The following FDFT1 variants were observed in gnomAD, a reference collection of about 807,000 sequenced individuals.
FDFT1 encodes farnesyl-diphosphate farnesyltransferase 1, also known as squalene synthase.
A neutral mutation model predicts 46.8 loss-of-function variants in FDFT1; 68 were observed. That is an observed-to-expected ratio of 1.45 (90% CI 1.19 to 1.78). The LOEUF (loss-of-function observed/expected upper bound fraction) is 1.78, where lower values mean the gene tolerates loss of function less well. Ranked by LOEUF, FDFT1 falls within the 40% of genes most tolerant of loss-of-function variation. FDFT1 has a pLI of 0.00. For synonymous variants in FDFT1, 351 were observed against 185.1 expected (o/e 1.90, Z -7.28); for missense variants, 928 against 524.4 (o/e 1.77, Z -7.52).
chr8:11,800,962 ACT>A (rs1211262023), upstream of FDFT1, among the ~76,000 whole-genome samples: 5 of 152,234 alleles, frequency 3.3e-5, no homozygotes, highest in South Asian at 2.1e-4. Flanking sequence ...TAGGGGAAAC[ACT>A]CTGTAATCTA....
chr8:11,830,567 C>T lies in FDFT1; in HGVS notation c.879+147C>T, dbSNP rs77318013. The T allele has an allele frequency of 2.8e-3, 1,768 of 629,424 alleles. 30 individuals carry two copies. The African/African-American group carries it at 0.03, about 11-fold the overall frequency. 39.0% of individuals were successfully genotyped at this position (629,424 alleles called of 1,614,324 possible). On this transcript the variant is annotated intron_variant, in intron 6 of 7. Transcript: ENST00000220584. ...ATTACGCTGGGAGTTTCATAGCACCCGCCTTTGCTTCCAGCCACCAAACTC... is the reference window on the plus strand; with the variant it reads ...ATTACGCTGGGAGTTTCATAGCACCTGCCTTTGCTTCCAGCCACCAAACTC...
At chr8:11,796,446 G>C (rs1271466396) in intron 1 of FDFT1, among the ~76,000 whole-genome samples, 1 of 152,188 alleles carries the variant, frequency 6.6e-6, no homozygotes, top group Non-Finnish European at 1.5e-5. Flanking sequence ...GAAGTACTGA[G>C]GTCTGTGAAA....
upstream of FDFT1, among the ~76,000 whole-genome samples, chr8:11,798,643 G>T (rs762266840): frequency 6.6e-6 from 1 of 152,230 alleles, no homozygotes. Context: ...AGATTTAATG[G>T]AAGAGAGATT....
At chr8:11,802,511 G>A (rs1484436438), upstream of FDFT1, 1 of 514,624 alleles carries the variant, frequency 1.9e-6, no homozygotes, top group East Asian at 5.1e-5. Context: ...CCGCTCGTCG[G>A]CCTCTTTCTC....
upstream of FDFT1, chr8:11,801,941 G>A (rs1458666019): frequency 8.8e-6 from 4 of 455,156 alleles, 1 homozygote; most frequent in South Asian, 6.2e-5. Flanking sequence ...CACCCGCCTT[G>A]GCCTCCCAAA....
At chr8:11,809,425 C>A in intron 2 of FDFT1, 1 of 1,243,926 alleles carries the variant, frequency 8.0e-7, no homozygotes, top group Non-Finnish European at 1.0e-6. Context: ...CAACTCACTT[C>A]TGGGAGTAGT....
At chr8:11,808,722 TCC>T (rs1807252720) in intron 1 of FDFT1, 70 bp from the exon 2 acceptor site, 2 of 1,546,778 alleles carry the variant, frequency 1.3e-6, no homozygotes, top group South Asian at 1.2e-5. Flanking sequence ...CCACTCCCAC[TCC>T]CACTCCCACT....
chr8:11,817,443 C>G (rs888119250), intron 3 of FDFT1, among the ~76,000 whole-genome samples: 1 of 152,130 alleles, frequency 6.6e-6, no homozygotes, highest in Non-Finnish European at 1.5e-5. Context: ...AGGAATGGTA[C>G]CAGCTCCTCT....
At chr8:11,804,689 C>T (rs1005244579) in intron 1 of FDFT1, among the ~76,000 whole-genome samples, 23 of 145,932 alleles carry the variant, frequency 1.6e-4, no homozygotes, top group Middle Eastern at 3.6e-3. Flanking sequence ...TAGATGCAGC[C>T]TCCGCCTCCT....
upstream of FDFT1, among the ~76,000 whole-genome samples, chr8:11,799,990 G>A (rs553080835): frequency 2.0e-5 from 3 of 150,052 alleles, no homozygotes; most frequent in South Asian, 2.1e-4. Context: ...AAGGCTGGGC[G>A]CAGTGGCTTG....
chr8:11,829,580 T>A (rs931154272), intron 5 of FDFT1, among the ~76,000 whole-genome samples: 3 of 152,188 alleles, frequency 2.0e-5, no homozygotes, highest in Non-Finnish European at 2.9e-5. Flanking sequence ...TATAACTGTT[T>A]TTGTATATTG....
chr8:11,796,805 G>A (rs952341392), intron 1 of FDFT1, among the ~76,000 whole-genome samples: 1 of 152,254 alleles, frequency 6.6e-6, no homozygotes, highest in African/African-American at 2.4e-5. Flanking sequence ...TAGCCCATGA[G>A]GGTTCCTGGC....
intron 1 of FDFT1, among the ~76,000 whole-genome samples, chr8:11,806,503 GCT>G (rs931681196): frequency 1.2e-4 from 19 of 152,100 alleles, no homozygotes; most frequent in Non-Finnish European, 2.4e-4. Context: ...GGCTTGGCTT[GCT>G]CTCTTTCAGA....
chr8:11,814,055 TGGA>T (rs1222725920), intron 3 of FDFT1, among the ~76,000 whole-genome samples: 3 of 152,200 alleles, frequency 2.0e-5, no homozygotes, highest in Non-Finnish European at 4.4e-5. Context: ...GAAAGTGTTT[TGGA>T]GGAGTCTAAG....
At chr8:11,831,821 A>G (rs1585998144) in intron 7 of FDFT1, 151 bp downstream of exon 7, 1 of 696,738 alleles carries the variant, frequency 1.4e-6, no homozygotes, top group African/African-American at 1.8e-5. Context: ...TATAAGGAAA[A>G]AAGTCTATTC....
At chr8:11,824,798 C>T (rs998441638) in intron 4 of FDFT1, among the ~76,000 whole-genome samples, 2 of 152,124 alleles carry the variant, frequency 1.3e-5, no homozygotes, top group Non-Finnish European at 2.9e-5. Context: ...TGCAGTGGCG[C>T]GATCTCGGCT....
At chr8:11,806,983 G>C (rs1806928577) in intron 1 of FDFT1, among the ~76,000 whole-genome samples, 1 of 151,484 alleles carries the variant, frequency 6.6e-6, no homozygotes, top group Non-Finnish European at 1.5e-5. Flanking sequence ...TTAAAAGATT[G>C]ACCCTTTTGG....
intron 1 of FDFT1, chr8:11,808,405 G>A (rs1028109264): frequency 2.5e-5 from 31 of 1,238,670 alleles, no homozygotes; most frequent in Non-Finnish European, 3.0e-5. Context: ...GCCCGTTGTG[G>A]GTCGGCCCAG....
At chr8:11,808,627 G>T (rs1807232332) in intron 1 of FDFT1, 167 bp from the exon 2 acceptor site, 1 of 1,393,618 alleles carries the variant, frequency 7.2e-7, no homozygotes, top group Admixed American at 3.3e-5. Flanking sequence ...GCCCCGCGGG[G>T]CTGCTGCTTG....
Sources: gnomAD v4.1 joint callset for allele counts (sites outside exome capture counted in the v4.1 genomes callset) on GRCh38, gnomAD v4.1.1 for gene constraint, MANE v1.5 for transcripts, NCBI Gene and HGNC (gene_info 2026-07-23, HGNC 2026-07-21) for gene names.